LRRC37A2: variants seen among roughly 807,000 people sequenced by gnomAD.
The protein encoded by LRRC37A2 is leucine-rich repeat-containing protein 37A2.
Under a neutral mutation model 68.8 loss-of-function variants are expected in LRRC37A2, and 9 were observed. The observed-to-expected ratio is 0.13, with a 90% CI of 0.08 to 0.23. The LOEUF (loss-of-function observed/expected upper bound fraction) is 0.23. Among genes scored for constraint, LRRC37A2 ranks in the 10% least tolerant of loss-of-function variants. The pLI, the probability that LRRC37A2 is intolerant of heterozygous loss-of-function variation, is 1.00. For missense variants in LRRC37A2, 168 were observed against 950.4 expected (o/e 0.18, Z 10.82); for synonymous variants, 63 against 367.6 (o/e 0.17, Z 9.48).
the LRRC37A2 span, among the ~76,000 whole-genome samples, chr17:46,900,156 T>TATATAC: frequency 7.8e-4 from 57 of 73,370 alleles, 1 homozygote; most frequent in Non-Finnish European, 4.3e-4. Context: ...CTTTTCTATA[T>TATATAC]ATATACATAT....
the LRRC37A2 span, among the ~76,000 whole-genome samples, chr17:46,832,040 G>A: frequency 1.3e-5 from 2 of 152,330 alleles, no homozygotes; most frequent in Admixed American, 6.5e-5. Flanking sequence ...GCCCAGCCTC[G>A]TGAGGCCCGC....
the LRRC37A2 span, chr17:46,936,139 T>G: frequency 1.0e-5 from 10 of 985,790 alleles, no homozygotes; most frequent in Non-Finnish European, 1.2e-5. Flanking sequence ...GGAAGGGTGG[T>G]CTCCAGCAGC....
At chr17:46,976,169 G>A in the LRRC37A2 span, among the ~76,000 whole-genome samples, 2 of 151,622 alleles carry the variant, frequency 1.3e-5, no homozygotes, top group African/African-American at 4.8e-5. Context: ...CTCGTGATCT[G>A]CCCGCCTCGG....
the LRRC37A2 span, among the ~76,000 whole-genome samples, chr17:46,825,468 T>C: frequency 6.6e-6 from 1 of 152,248 alleles, no homozygotes; most frequent in Non-Finnish European, 1.5e-5. Flanking sequence ...TGGACAAGGC[T>C]CCACGAGGAA....
At chr17:46,918,472 G>A in the LRRC37A2 span, among the ~76,000 whole-genome samples, 6 of 152,282 alleles carry the variant, frequency 3.9e-5, no homozygotes, top group African/African-American at 1.2e-4. Context: ...TCCTGTCAAC[G>A]TGATAGATAA....
the LRRC37A2 span, among the ~76,000 whole-genome samples, chr17:46,899,138 G>T: frequency 2.0e-5 from 3 of 152,134 alleles, no homozygotes; most frequent in African/African-American, 2.4e-5. Context: ...ACTCATAATC[G>T]CAGCACTATG....
the LRRC37A2 span, among the ~76,000 whole-genome samples, chr17:46,834,155 A>G: frequency 6.6e-6 from 1 of 152,168 alleles, no homozygotes; most frequent in Non-Finnish European, 1.5e-5. Context: ...GGATGGCACC[A>G]CTACACTCCA....
the LRRC37A2 span, among the ~76,000 whole-genome samples, chr17:46,494,991 G>A: frequency 6.7e-6 from 1 of 149,938 alleles, no homozygotes; most frequent in Non-Finnish European, 1.5e-5. Flanking sequence ...CCCAGCCCCC[G>A]GTAACCATCA....
the LRRC37A2 span, chr17:46,955,644 G>T: frequency 5.3e-5 from 8 of 152,352 alleles, no homozygotes; most frequent in Middle Eastern, 3.4e-3. Context: ...GCATGGCTTG[G>T]AATCCTGTCT....
At chr17:46,454,002 AT>A in the LRRC37A2 span, among the ~76,000 whole-genome samples, 1 of 61,680 alleles carries the variant, frequency 1.6e-5, no homozygotes, top group African/African-American at 7.4e-5. Flanking sequence ...ATGGGTAAAC[AT>A]TTTATCTCTT....
At chr17:47,038,054 A>G in the LRRC37A2 span, among the ~76,000 whole-genome samples, 1 of 152,118 alleles carries the variant, frequency 6.6e-6, no homozygotes, top group East Asian at 1.9e-4. Context: ...CTGTCATCCT[A>G]GCACTTTGGG....
the LRRC37A2 span, among the ~76,000 whole-genome samples, chr17:46,840,898 C>A: frequency 6.6e-6 from 1 of 152,150 alleles, no homozygotes; most frequent in Non-Finnish European, 1.5e-5. Flanking sequence ...TGGATATTAG[C>A]CCTTTGCAGG....
the LRRC37A2 span, among the ~76,000 whole-genome samples, chr17:46,796,013 G>C: frequency 6.6e-6 from 1 of 152,084 alleles, no homozygotes; most frequent in Non-Finnish European, 1.5e-5. Context: ...TCAGGTTGTC[G>C]GCAGGGTAAT....
chr17:46,693,591 G>T, the LRRC37A2 span, among the ~76,000 whole-genome samples: 2 of 144,004 alleles, frequency 1.4e-5, no homozygotes, highest in Non-Finnish European at 3.0e-5. Flanking sequence ...AGGAACTTTG[G>T]AGTCAGAGAG....
chr17:46,958,983 G>T, the LRRC37A2 span, among the ~76,000 whole-genome samples: 1 of 152,210 alleles, frequency 6.6e-6, no homozygotes, highest in African/African-American at 2.4e-5. Flanking sequence ...CACTGCCAAT[G>T]CAAAAATAAG....
the LRRC37A2 span, among the ~76,000 whole-genome samples, chr17:47,034,177 A>G: frequency 8.5e-3 from 1,296 of 152,304 alleles, 21 homozygotes; most frequent in African/African-American, 0.029. Context: ...TCTCTACAAA[A>G]AGACTTTTAA....
At chr17:46,935,369 T>C in the LRRC37A2 span, 4 of 1,446,992 alleles carry the variant, frequency 2.8e-6, no homozygotes, top group Non-Finnish European at 3.6e-6. Flanking sequence ...TTGCCAGTGC[T>C]TGAAACAAAC....
At chr17:46,897,561 G>C in the LRRC37A2 span, among the ~76,000 whole-genome samples, 1 of 152,190 alleles carries the variant, frequency 6.6e-6, no homozygotes, top group African/African-American at 2.4e-5. Context: ...ACTCACACTG[G>C]ATTGAGAAGC....
At chr17:46,797,010 G>C in the LRRC37A2 span, among the ~76,000 whole-genome samples, 1 of 152,124 alleles carries the variant, frequency 6.6e-6, no homozygotes, top group African/African-American at 2.4e-5. Flanking sequence ...TTTCCAAATG[G>C]GGGAAAATGG....
Sources: gnomAD v4.1 joint callset for allele counts (sites outside exome capture counted in the v4.1 genomes callset) on GRCh38, gnomAD v4.1.1 for gene constraint, MANE v1.5 for transcripts, NCBI Gene and HGNC (gene_info 2026-07-23, HGNC 2026-07-21) for gene names.